ITGAE: variants seen among roughly 807,000 people sequenced by gnomAD.
ITGAE encodes integrin alpha-E.
ITGAE carries 99 observed loss-of-function variants against 136.5 expected under a neutral mutation model. That is an observed-to-expected ratio of 0.73 (90% confidence interval 0.62 to 0.86). The LOEUF is 0.86. ITGAE is among the 40% of genes least tolerant of loss of function. The pLI is 0.00. For synonymous variants in ITGAE, 613 were observed against 591.8 expected, an observed-to-expected ratio of 1.04 and a Z score of -0.52; for missense variants, 1,447 against 1,515.3, an observed-to-expected ratio of 0.95 and a Z score of 0.75.
chr17:3,777,352 A>C (rs1264722067), intron 2 of ITGAE, among the ~76,000 whole-genome samples, 188 bp downstream of exon 2: 5 of 152,206 alleles, frequency 3.3e-5, no homozygotes, highest in African/African-American at 1.2e-4. Context: ...TGGACCCCAC[A>C]GACCAGCCCG....
At chr17:3,753,689 G>A in intron 13 of ITGAE, 94 bp downstream of exon 13, 1 of 1,486,524 alleles carries the variant, frequency 6.7e-7, no homozygotes, top group East Asian at 2.4e-5. Flanking sequence ...CCCGGGCCCT[G>A]GCCCACTGTG....
At chr17:3,724,819 C>G (rs868627328) in intron 26 of ITGAE, 1 of 1,614,162 alleles carries the variant, frequency 6.2e-7, no homozygotes, top group Non-Finnish European at 8.5e-7. Flanking sequence ...AGGAGGGCCA[C>G]AGGCCAGGAC....
At chr17:3,744,009 CTT>C (rs566973351) in intron 18 of ITGAE, among the ~76,000 whole-genome samples, 66 of 139,154 alleles carry the variant, frequency 4.7e-4, no homozygotes, top group Non-Finnish European at 4.9e-4. Context: ...GGCCTCTTTT[CTT>C]TTTTTTTTTT....
At chr17:3,789,340 A>T (rs1309139295) in intron 1 of ITGAE, among the ~76,000 whole-genome samples, 1 of 152,102 alleles carries the variant, frequency 6.6e-6, no homozygotes, top group Non-Finnish European at 1.5e-5. Flanking sequence ...AAAAGTATTA[A>T]GCATTTTTCT....
At chr17:3,750,566 G>A in intron 15 of ITGAE, 84 bp from the exon 16 acceptor site, 17 of 1,499,302 alleles carry the variant, frequency 1.1e-5, no homozygotes, top group Non-Finnish European at 1.5e-5. Context: ...ATCCCGATCA[G>A]CATCGCAGGC....
At chr17:3,761,882 T>G (rs1187457979) in intron 4 of ITGAE, 33 bp downstream of exon 4, 7 of 1,596,254 alleles carry the variant, frequency 4.4e-6, no homozygotes, top group Admixed American at 1.7e-5. Flanking sequence ...CCAGCCTCCC[T>G]AAGGCCCTCC....
chr17:3,739,784 T>C (rs755346593), intron 20 of ITGAE, 21 bp downstream of exon 20: 9 of 1,608,368 alleles, frequency 5.6e-6, no homozygotes, highest in Non-Finnish European at 5.1e-6. Flanking sequence ...TCGAGGAAAC[T>C]GACGGCTATG....
Position 3,750,433 on chromosome 17 carries a change from G to A in ITGAE, c.1943C>T (p.Ser648Phe), listed in dbSNP as rs759934531. ...VAPGLQYFGM[S>F]MAGGFDISGD... ...ACTAATATCAAAGCCACCAGCCATG[G>A]ACATGCCGAAGTACTGGAGTCCTGG... The change falls in exon 16 of 31, where the codon TCC (serine) becomes TTC (phenylalanine). Residue 648 changes from serine to phenylalanine, a missense_variant. By Grantham distance (155) the Ser-to-Phe change is radical. This residue lies in a region of ITGAE where 1,031 missense variants were observed against 1,011.4 expected (regional missense o/e 1.02). Transcript: ENST00000263087. The A allele has an allele frequency of 2.1e-5, 34 of 1,614,118 alleles. No homozygotes were observed. The highest frequency in any genetic ancestry group is 2.6e-5 in the Non-Finnish European group (31 of 1,180,054).
Position 3,753,382 on chromosome 17 carries a change from C to T in ITGAE, c.1576G>A (p.Asp526Asn). 6.2e-7 allele frequency: 1 copy of T among 1,614,188 alleles called. No individual in the cohort carries two copies. The highest frequency in any genetic ancestry group is 8.5e-7 in the Non-Finnish European group (1 of 1,180,030). Reference sequence around the variant, plus strand: ...ACCAGCAAGAAGTCCGTGCTTCCATCCATGTCAATGTCCACAGGGCACAGC... The same window carrying T: ...ACCAGCAAGAAGTCCGTGCTTCCATTCATGTCAATGTCCACAGGGCACAGC... ...SELCPVDIDM[D>N]GSTDFLLVAA... Residue 526 changes from aspartate to asparagine, a missense_variant, in exon 14 of 31, where the codon GAT becomes AAT. Around this residue, in one of 3 missense-constraint regions of ITGAE, gnomAD observed 1,031 missense variants for 1,011.4 expected, o/e 1.02. Transcript: ENST00000263087.
At chr17:3,792,175 G>A (rs887601472) in intron 1 of ITGAE, among the ~76,000 whole-genome samples, 1 of 152,106 alleles carries the variant, frequency 6.6e-6, no homozygotes, top group Admixed American at 6.6e-5. Context: ...AGGCTGGAGG[G>A]CAGTGGCGCG....
intron 30 of ITGAE, 81 bp from the exon 31 acceptor site, chr17:3,715,023 T>A: frequency 3.9e-6 from 3 of 766,482 alleles, no homozygotes; most frequent in Non-Finnish European, 6.8e-6. Context: ...GGCTGTTGCC[T>A]AAATAGCCCC....
At chr17:3,740,038 G>A (rs1252032527) in intron 19 of ITGAE, among the ~76,000 whole-genome samples, 160 bp from the exon 20 acceptor site, 2 of 152,182 alleles carry the variant, frequency 1.3e-5, no homozygotes, top group Non-Finnish European at 2.9e-5. Context: ...GATTGTCCCC[G>A]AAGAGCAGGG....
At chr17:3,755,942 A>G in intron 10 of ITGAE, 45 bp from the exon 11 acceptor site, 2 of 1,545,902 alleles carry the variant, frequency 1.3e-6, no homozygotes, top group Non-Finnish European at 1.8e-6. Flanking sequence ...GCCGAGGTGA[A>G]GGGAGAAACT....
intron 2 of ITGAE, among the ~76,000 whole-genome samples, chr17:3,771,655 C>G (rs1303877951): frequency 6.6e-6 from 1 of 151,594 alleles, no homozygotes; most frequent in African/African-American, 2.4e-5. Flanking sequence ...ATTCTCCTGC[C>G]TCTCCTAAGT....
intron 28 of ITGAE, among the ~76,000 whole-genome samples, chr17:3,721,374 C>T (rs1263010852): frequency 2.2e-5 from 3 of 133,486 alleles, no homozygotes; most frequent in South Asian, 2.6e-4. Flanking sequence ...TGGGCTCAAA[C>T]GATACTCCTG....
intron 1 of ITGAE, among the ~76,000 whole-genome samples, chr17:3,783,662 A>G (rs2052714712): frequency 6.6e-6 from 1 of 152,182 alleles, no homozygotes; most frequent in Admixed American, 6.6e-5. Context: ...ATTGATGCAA[A>G]TATTTTTTCC....
rs1491465878 is a variant in ITGAE at position 3,793,972 on chromosome 17, CCT to C, written c.34+7137_34+7138del. On this transcript the variant is annotated intron_variant, in intron 1 of 30. Transcript: ENST00000263087. ...GCCTGTCTCCTGGCTTCCTCTTCAT[CCT>C]TTTTTTTTTTTTTTTTTTTTTGAGA... Among the ~76,000 whole-genome samples, 734 of 125,302 alleles carry C rather than the reference CCT, an allele frequency of 5.9e-3. 6 individuals carry two copies. The highest frequency in any genetic ancestry group is 0.021 in the African/African-American group (679 of 31,856). The allele number at this position is 125,302 out of a possible 152,430, so 82.2% of individuals were successfully genotyped here. A position where few individuals can be genotyped will look rare whatever the true frequency, so the allele number is the denominator to read the frequency against.
At chr17:3,750,221 T>C (rs1339473971) in intron 16 of ITGAE, 131 bp downstream of exon 16, 2 of 1,328,000 alleles carry the variant, frequency 1.5e-6, no homozygotes, top group Non-Finnish European at 2.1e-6. Flanking sequence ...ACGGGCAGAC[T>C]CCAGAGCCTG....
chr17:3,793,484 G>A (rs1223454691), intron 1 of ITGAE, among the ~76,000 whole-genome samples: 1 of 152,206 alleles, frequency 6.6e-6, no homozygotes, highest in Non-Finnish European at 1.5e-5. Context: ...CCTGGGGCCG[G>A]AGCCCAGACT....
Sources: allele counts gnomAD v4.1 joint callset (sites outside exome capture counted in the v4.1 genomes callset), GRCh38; gene constraint gnomAD v4.1.1; regional missense constraint gnomAD v4.1.1; transcripts MANE v1.5; gene names NCBI Gene and HGNC (gene_info 2026-07-23, HGNC 2026-07-21).